The following ZFPL1 variants were observed in gnomAD, a reference collection of about 807,000 sequenced individuals.
ZFPL1 encodes the protein zinc finger protein like 1, also known as zinc finger protein-like 1.
A neutral mutation model predicts 32.0 loss-of-function variants in ZFPL1; 28 were observed. The observed-to-expected ratio is 0.87, with a 90% CI of 0.65 to 1.20. The LOEUF (loss-of-function observed/expected upper bound fraction) is 1.20. ZFPL1 is among the 50% of genes most tolerant of loss of function. The probability of loss-of-function intolerance (pLI) is 0.00; values close to 1 mark genes in which losing one functional copy is unlikely to be tolerated. For synonymous variants in ZFPL1, 165 were observed against 177.0 expected (o/e 0.93, Z 0.54); for missense variants, 386 against 424.8 (o/e 0.91, Z 0.80).
Position 65,086,498 on chromosome 11 carries a change from T to C in ZFPL1, c.298T>C (p.Cys100Arg), listed in dbSNP as rs1199502728. Reference protein sequence around the residue: ...TAPAGYQCPSCNGPIFPPTNL... With the variant: ...TAPAGYQCPSRNGPIFPPTNL... ...ACCTGCCGGCTATCAGTGCCCCAGC[T>C]GCAATGGCCCCATCTTCCCCCCAAC... Residue 100 changes from cysteine (C) to arginine (R), a missense_variant, in exon 4 of 8, where the codon TGC becomes CGC. Cys to Arg is a radical substitution (Grantham distance 180). Transcript: ENST00000294258. 6.2e-7 allele frequency: 1 copy of C among 1,614,066 alleles called. No individual in the cohort carries two copies. Among genetic ancestry groups the C allele is most frequent in the Middle Eastern group, 1.6e-4 (1 of 6,062 alleles).
intron 2 of ZFPL1, 117 bp downstream of exon 2, chr11:65,084,917 T>A: frequency 7.9e-7 from 1 of 1,266,844 alleles, no homozygotes; most frequent in Non-Finnish European, 1.1e-6. Flanking sequence ...GGCAAGGACT[T>A]GATTTATTTT....
intron 3 of ZFPL1, chr11:65,086,103 T>C (rs1947676865): frequency 2.2e-6 from 1 of 448,080 alleles, no homozygotes; most frequent in African/African-American, 2.0e-5. Flanking sequence ...TGTTCATTAT[T>C]AGCCATTAGC....
At chr11:65,085,309 A>G in intron 3 of ZFPL1, 83 bp downstream of exon 3, 8 of 1,196,610 alleles carry the variant, frequency 6.7e-6, no homozygotes, top group Middle Eastern at 1.9e-4. Flanking sequence ...CTCAAGCAGC[A>G]GGACAGTGAG....
intron 3 of ZFPL1, chr11:65,085,845 G>A (rs1947672851): frequency 2.0e-5 from 4 of 196,282 alleles, no homozygotes; most frequent in Admixed American, 5.3e-5. Flanking sequence ...ATGGGTAAAT[G>A]TATGTATGTG....
intron 7 of ZFPL1, 45 bp downstream of exon 7, chr11:65,087,478 G>A: frequency 6.3e-7 from 1 of 1,577,132 alleles, no homozygotes; most frequent in Non-Finnish European, 8.7e-7. Context: ...GGGGTGGAGA[G>A]GGAATGGGAG....
Position 65,087,397 on chromosome 11 carries a change from G to A in ZFPL1, c.710G>A (p.Arg237His), listed in dbSNP as rs763382744. 7.4e-6 allele frequency: 12 copies of A among 1,613,990 alleles called. No homozygotes were observed. The highest frequency in any genetic ancestry group is 5.3e-5 in the African/African-American group (4 of 74,886). ...GACTGTGACGATGACAAGTACCGAC[G>A]TCGGCCGGCCTTGGGTTGGCTGGCC... ...HGDCDDDKYR[R>H]RPALGWLARL... The change falls in exon 7 of 8, where the codon CGT (arginine) becomes CAT (histidine). Residue 237 changes from arginine to histidine, a missense_variant. By Grantham distance (29) the Arg-to-His change is conservative. Coordinates refer to ENST00000294258, the MANE Select transcript of ZFPL1 (RefSeq NM_006782.4).
Position 65,088,278 on chromosome 11 carries a change from G to A in ZFPL1, c.*164G>A. On this transcript the variant is annotated 3_prime_UTR_variant, in exon 8 of 8. Transcript: ENST00000294258. Reference sequence around the variant, plus strand: ...GTCCACCAGAGTGGCTGCAGGCCAGGCCTGGAGTCCCCGTGGGTCAAGCAT... The same window carrying A: ...GTCCACCAGAGTGGCTGCAGGCCAGACCTGGAGTCCCCGTGGGTCAAGCAT... The A allele has an allele frequency of 9.0e-7, 1 of 1,116,526 alleles. No homozygotes were observed. Among genetic ancestry groups the A allele is most frequent in the Non-Finnish European group, 1.3e-6 (1 of 780,264 alleles). The allele number at this position is 1,116,526 out of a possible 1,614,324, so 69.2% of individuals were successfully genotyped here.
rs774031944 is a variant in ZFPL1 at position 65,084,893 on chromosome 11, G to A, written c.102+93G>A. The A allele has an allele frequency of 3.5e-6, 5 of 1,443,762 alleles. No homozygotes were observed. In the Admixed American group the frequency reaches 7.0e-5, roughly 20 times the overall value. The allele number at this position is 1,443,762 out of a possible 1,614,324, so 89.4% of individuals were successfully genotyped here. ...TCCATGAGGGGCCCCGCGCTAGAAT[G>A]TAAGCCCCACAAGGGCAAGGACTTG... On this transcript the variant is annotated intron_variant, in intron 2 of 7. Coordinates refer to ENST00000294258, the MANE Select transcript of ZFPL1 (RefSeq NM_006782.4).
rs779724619 is a variant in ZFPL1 at position 65,087,924 on chromosome 11, C to A, written c.747-4C>A. ...CTGACCTGATTTTCCCCTCATCCCC[C>A]CAGGAGCCGGGCTGGGTCTCGGAAG... On this transcript the variant is annotated splice_polypyrimidine_tract_variant and splice_region_variant and intron_variant, in intron 7 of 7. Transcript: ENST00000294258. 3.9e-6 allele frequency: 6 copies of A among 1,556,184 alleles called. No individual in the cohort carries two copies. The highest frequency in any genetic ancestry group is 5.2e-6 in the Non-Finnish European group (6 of 1,164,716).
intron 7 of ZFPL1, 150 bp from the exon 8 acceptor site, chr11:65,087,778 C>A: frequency 1.2e-6 from 1 of 805,406 alleles, no homozygotes; most frequent in Non-Finnish European, 1.9e-6. Context: ...TGCACAATAA[C>A]GCCCTATGGT....
rs2137166243 is a variant in ZFPL1 at position 65,086,960 on chromosome 11, A to G, written c.514A>G (p.Ser172Gly). The change falls in exon 6 of 8, where the codon AGC becomes GGC. Residue 172 changes from serine to glycine, a missense_variant. Transcript: ENST00000294258. ...SSTPGPEEVDSASAAPAFYSQ... is the reference protein window; with the variant it reads ...SSTPGPEEVDGASAAPAFYSQ... ...TACCCCTGGACCAGAGGAGGTAGAC[A>G]GCGCCTCTGCTGCCCCAGCCTTCTA... 6.2e-7 allele frequency: 1 copy of G among 1,614,008 alleles called. No homozygotes were observed. Among genetic ancestry groups the G allele is most frequent in the Non-Finnish European group, 8.5e-7 (1 of 1,179,996 alleles).
At position 65,088,045 on chromosome 11, in the gene ZFPL1, G is replaced by A; in HGVS notation, c.864G>A (p.Arg288=). 4 of 1,611,382 alleles carry A rather than the reference G, an allele frequency of 2.5e-6. No individual in the cohort carries two copies. The Admixed American group carries it at 5.0e-5, about 20-fold the overall frequency. The change falls in exon 8 of 8, where the codon CGG becomes CGA. Residue 288 remains arginine, a synonymous_variant. Transcript: ENST00000294258. ...TTGCCCTCATGTCTCGCCTAGGCCG[G>A]GCCGCAGCTGACAGCGATCCCAACC... ...ALLALMSRLG[R]AAADSDPNLD... is the part of the protein sequence containing the mutation.
chr11:65,084,942 C>T (rs779267850), intron 2 of ZFPL1, 142 bp downstream of exon 2: 2 of 1,101,746 alleles, frequency 1.8e-6, no homozygotes, highest in Non-Finnish European at 2.7e-6. Context: ...ACTGATATAT[C>T]CCCCGTTCCC....
intron 3 of ZFPL1, chr11:65,086,001 T>A: frequency 7.3e-5 from 15 of 205,736 alleles, no homozygotes; most frequent in South Asian, 4.2e-4. Context: ...TTGTGTTTGA[T>A]TATGTGCTTA....
rs773435082 is a variant in ZFPL1, at chr11:65,084,801, G to T, written c.102+1G>T. The T allele has an allele frequency of 3.1e-6, 5 of 1,614,100 alleles. No homozygotes were observed. The highest frequency in any genetic ancestry group is 1.3e-5 in the African/African-American group (1 of 75,040). On this transcript the variant is annotated splice_donor_variant, in intron 2 of 7. Coordinates refer to ENST00000294258, the MANE Select transcript of ZFPL1 (RefSeq NM_006782.4). LOFTEE classifies it high-confidence loss of function. The stretch of plus-strand genomic sequence containing the variant: ...CTGCCTGGTAGCCAATCACGCCAAG[G>T]TGGGGCCTTCAGGGGAGCGACTGAG...
intron 1 of ZFPL1, 120 bp from the exon 2 acceptor site, chr11:65,084,571 T>C (rs1947651843): frequency 1.3e-6 from 1 of 796,084 alleles, no homozygotes; most frequent in East Asian, 2.6e-5. Flanking sequence ...TGGGCAGGAA[T>C]CTGAGATCGG....
chr11:65,087,571 AGAGGCCTTGGCTGTGCAGC>A, intron 7 of ZFPL1, 138 bp downstream of exon 7: 1 of 813,962 alleles, frequency 1.2e-6, no homozygotes, highest in Non-Finnish European at 2.0e-6. Flanking sequence ...GGCTGTGCAG[AGAGGCCTTGGCTGTGCAGC>A]AGAAGCTGTG....
intron 3 of ZFPL1, chr11:65,085,976 T>TCTCGGTGGTCGCCGTATCATTA: frequency 4.0e-6 from 1 of 249,860 alleles, no homozygotes; most frequent in Non-Finnish European, 7.9e-6. Context: ...ATAGTGTAGA[T>TCTCGGTGGTCGCCGTATCATTA]ATAGGGAATG....
Position 65,087,420 on chromosome 11 carries a change from G to A in ZFPL1, c.733G>A (p.Ala245Thr), listed in dbSNP as rs147705713. The part of the protein sequence containing the change: ...YRRRPALGWL[A>T]RLLRSRAGSR... ...ACGTCGGCCGGCCTTGGGTTGGCTG[G>A]CCCGGCTGCTAAGGTACACAGGGTC... The change falls in exon 7 of 8, where the codon GCC (alanine) becomes ACC (threonine). Residue 245 changes from alanine (A) to threonine (T), a missense_variant. By Grantham distance (58) the Ala-to-Thr change is moderately conservative (BLOSUM62 0). Transcript: ENST00000294258. 2 of 1,614,088 alleles carry A rather than the reference G, an allele frequency of 1.2e-6. No homozygotes were observed. The highest frequency in any genetic ancestry group is 2.2e-5 in the South Asian group (2 of 91,088).
Sources: gnomAD v4.1 joint callset for allele counts on GRCh38, gnomAD v4.1.1 for gene constraint, MANE v1.5 for transcripts, NCBI Gene and HGNC (gene_info 2026-07-23, HGNC 2026-07-21) for gene names.